KLRG1: variants seen among roughly 807,000 people sequenced by gnomAD.
The protein encoded by KLRG1 is killer cell lectin-like receptor subfamily G member 1.
A neutral mutation model predicts 21.8 loss-of-function variants in KLRG1; 16 were observed. That is an observed-to-expected ratio of 0.73 (90% CI 0.50 to 1.11). The LOEUF is 1.11. Ranked by LOEUF, KLRG1 falls within the 50% of genes most tolerant of loss-of-function variation. The pLI is 0.00. For synonymous variants in KLRG1, 69 were observed against 75.9 expected (o/e 0.91, Z 0.47); for missense variants, 173 against 218.3 (o/e 0.79, Z 1.31).
the KLRG1 span, among the ~76,000 whole-genome samples, chr12:9,139,567 T>A: frequency 6.6e-6 from 1 of 152,238 alleles, no homozygotes; most frequent in Non-Finnish European, 1.5e-5. Flanking sequence ...CCTATTTCTC[T>A]TTTCTGTTTT....
intron 1 of KLRG1, among the ~76,000 whole-genome samples, chr12:8,951,062 C>T (rs1946193436): frequency 6.6e-6 from 1 of 151,970 alleles, no homozygotes; most frequent in Admixed American, 6.5e-5. Flanking sequence ...TTTTTTCTTC[C>T]TGAAAATGAA....
chr12:9,014,771 A>G (rs762009420), downstream of KLRG1, among the ~76,000 whole-genome samples: 1 of 152,054 alleles, frequency 6.6e-6, no homozygotes, highest in Non-Finnish European at 1.5e-5. Context: ...AGACTAAAAG[A>G]TTAACCAAAA....
the KLRG1 span, chr12:9,106,692 G>A: frequency 3.2e-6 from 2 of 625,544 alleles, no homozygotes; most frequent in South Asian, 2.5e-5. Flanking sequence ...GATTTTTGTG[G>A]GGGGACAACA....
the KLRG1 span, chr12:9,069,660 T>G: frequency 1.0e-6 from 1 of 987,720 alleles, no homozygotes; most frequent in South Asian, 1.8e-5. Context: ...GAAGTGATGT[T>G]TCTAAAATGC....
chr12:9,049,981 A>G, the KLRG1 span, among the ~76,000 whole-genome samples: 3,592 of 152,334 alleles, frequency 0.024, 63 homozygotes, highest in Non-Finnish European at 0.038. Flanking sequence ...ATCAAGATGC[A>G]TAACTACGCT....
At chr12:9,158,578 T>C in the KLRG1 span, 1 of 1,613,884 alleles carries the variant, frequency 6.2e-7, no homozygotes. Context: ...GCTGTGAGCC[T>C]AGGGGGAGGA....
chr12:9,070,763 A>G, the KLRG1 span, among the ~76,000 whole-genome samples: 2 of 151,996 alleles, frequency 1.3e-5, no homozygotes, highest in East Asian at 1.9e-4. Context: ...AGCCACAGAG[A>G]CCAGGCCCTA....
chr12:9,176,999 T>C, the KLRG1 span, among the ~76,000 whole-genome samples: 1 of 152,206 alleles, frequency 6.6e-6, no homozygotes, highest in Non-Finnish European at 1.5e-5. Context: ...GGATCGAGTA[T>C]ATTTTACATG....
the KLRG1 span, among the ~76,000 whole-genome samples, chr12:9,043,202 A>G: frequency 6.6e-6 from 1 of 150,478 alleles, no homozygotes; most frequent in Non-Finnish European, 1.5e-5. Flanking sequence ...TCAGCCTCCC[A>G]AGTAACTGGG....
the KLRG1 span, chr12:9,115,999 A>C: frequency 1.4e-6 from 1 of 698,242 alleles, no homozygotes. Context: ...TCTCTAAACA[A>C]AGTTGAGGTC....
At chr12:9,175,536 T>C in the KLRG1 span, among the ~76,000 whole-genome samples, 1 of 152,124 alleles carries the variant, frequency 6.6e-6, no homozygotes, top group African/African-American at 2.4e-5. Flanking sequence ...ACTTTAAGAA[T>C]GGGAGAAAAT....
intron 1 of KLRG1, among the ~76,000 whole-genome samples, chr12:8,957,594 A>C (rs1240700723): frequency 6.6e-6 from 1 of 152,126 alleles, no homozygotes; most frequent in Non-Finnish European, 1.5e-5. Context: ...ATTTAAAGGA[A>C]GCACTTTACA....
the KLRG1 span, among the ~76,000 whole-genome samples, chr12:9,123,809 CT>C: frequency 6.6e-6 from 1 of 150,546 alleles, no homozygotes; most frequent in Non-Finnish European, 1.5e-5. Flanking sequence ...ATCCCTTAAA[CT>C]TTATAGTAAT....
At chr12:9,176,362 AG>A in the KLRG1 span, among the ~76,000 whole-genome samples, 1 of 152,192 alleles carries the variant, frequency 6.6e-6, no homozygotes, top group Non-Finnish European at 1.5e-5. Flanking sequence ...CTTAATACCT[AG>A]GTGATGGGTT....
At chr12:9,175,899 G>A in the KLRG1 span, among the ~76,000 whole-genome samples, 22 of 152,182 alleles carry the variant, frequency 1.4e-4, 1 homozygote, top group Admixed American at 3.9e-4. Flanking sequence ...AGAAAGTGTG[G>A]TGATTCCTCA....
At chr12:9,214,493 C>T in the KLRG1 span, among the ~76,000 whole-genome samples, 2 of 152,020 alleles carry the variant, frequency 1.3e-5, no homozygotes, top group African/African-American at 4.8e-5. Flanking sequence ...GAGTTCCTTA[C>T]TCTGCCTTTT....
At chr12:9,027,602 A>G in the KLRG1 span, 1 of 887,664 alleles carries the variant, frequency 1.1e-6, no homozygotes, top group Non-Finnish European at 1.9e-6. Context: ...GTGGTTTGGC[A>G]AAGCATTGGC....
At chr12:8,962,216 C>T (rs1276739340) in intron 1 of KLRG1, among the ~76,000 whole-genome samples, 2 of 152,086 alleles carry the variant, frequency 1.3e-5, no homozygotes, top group African/African-American at 4.8e-5. Flanking sequence ...TTTATAAATA[C>T]ACTCCATATG....
At chr12:9,130,136 A>G in the KLRG1 span, among the ~76,000 whole-genome samples, 1 of 152,208 alleles carries the variant, frequency 6.6e-6, no homozygotes, top group Non-Finnish European at 1.5e-5. Flanking sequence ...ATGTTGCAGC[A>G]TGTATCAGAA....
Sources: gnomAD v4.1 joint callset for allele counts (sites outside exome capture counted in the v4.1 genomes callset) on GRCh38, gnomAD v4.1.1 for gene constraint, MANE v1.5 for transcripts, NCBI Gene and HGNC (gene_info 2026-07-23, HGNC 2026-07-21) for gene names.